Variants in PCSK2 observed in about 807,000 individuals in gnomAD.
PCSK2 encodes neuroendocrine convertase 2.
PCSK2 carries 14 observed loss-of-function variants against 69.7 expected under a neutral mutation model. The ratio of observed to expected loss-of-function variants is 0.20; its 90% CI spans 0.13 to 0.31. PCSK2 has a LOEUF of 0.31. Among genes scored for constraint, PCSK2 ranks in the 10% least tolerant of loss-of-function variants. The pLI is 1.00. For missense variants in PCSK2, 544 were observed against 842.5 expected (o/e 0.65, Z 4.39); for synonymous variants, 307 against 320.7 (o/e 0.96, Z 0.46).
At chr20:17,335,172 C>G (rs1990309134) in intron 2 of PCSK2, among the ~76,000 whole-genome samples, 1 of 140,514 alleles carries the variant, frequency 7.1e-6, no homozygotes, top group Admixed American at 7.7e-5. Flanking sequence ...CATATACTTG[C>G]AGTCAGACGG....
intron 5 of PCSK2, among the ~76,000 whole-genome samples, chr20:17,408,105 T>G (rs2123300727): frequency 6.6e-6 from 1 of 152,254 alleles, no homozygotes; most frequent in Middle Eastern, 3.4e-3. Flanking sequence ...TAAATATGTC[T>G]CAGGACCCAT....
chr20:17,238,060 C>G (rs1986411114), intron 1 of PCSK2, among the ~76,000 whole-genome samples: 1 of 152,078 alleles, frequency 6.6e-6, no homozygotes, highest in Non-Finnish European at 1.5e-5. Context: ...AGGCTGGCAC[C>G]CACAAAATGG....
At chr20:17,450,840 T>A (rs2032808531) in intron 8 of PCSK2, among the ~76,000 whole-genome samples, 2 of 152,184 alleles carry the variant, frequency 1.3e-5, no homozygotes, top group South Asian at 2.1e-4. Flanking sequence ...TCCCACCTCT[T>A]AAGACTATCA....
intron 2 of PCSK2, among the ~76,000 whole-genome samples, chr20:17,341,616 T>C (rs1990511993): frequency 6.6e-6 from 1 of 152,226 alleles, no homozygotes; most frequent in African/African-American, 2.4e-5. Flanking sequence ...TTAGCAGCAA[T>C]TCTTTTGAAT....
intron 11 of PCSK2, among the ~76,000 whole-genome samples, chr20:17,476,156 C>G (rs1055920434): frequency 5.9e-5 from 9 of 152,142 alleles, no homozygotes; most frequent in African/African-American, 2.2e-4. Context: ...AGAAAACCTG[C>G]AAAACAAAGC....
intron 2 of PCSK2, among the ~76,000 whole-genome samples, chr20:17,338,092 C>A (rs9789830): frequency 0.61 from 90,924 of 149,808 alleles, 28,708 homozygotes; most frequent in East Asian, 0.97. Context: ...CTTACCTGTC[C>A]CTGAACTCAA....
At chr20:17,315,382 A>G (rs994020650) in intron 2 of PCSK2, among the ~76,000 whole-genome samples, 1 of 152,040 alleles carries the variant, frequency 6.6e-6, no homozygotes, top group African/African-American at 2.4e-5. Context: ...TATAGAGGTG[A>G]CCCGTGAGCT....
chr20:17,252,647 T>C lies in PCSK2; in HGVS notation c.178-7593T>C, dbSNP rs1319564605. Among the ~76,000 whole-genome samples, 4 of 152,172 alleles carry C rather than the reference T, an allele frequency of 2.6e-5. No homozygotes were observed. The East Asian group carries it at 7.7e-4, about 29-fold the overall frequency. Reference sequence around the variant, plus strand: ...GGCAATCTGGCTTCAGAACTCATGTTCTTAAACCACTCCACCACAGAGTAC... The same window carrying C: ...GGCAATCTGGCTTCAGAACTCATGTCCTTAAACCACTCCACCACAGAGTAC... On this transcript the variant is annotated intron_variant, in intron 1 of 11. Coordinates refer to ENST00000262545, the MANE Select transcript of PCSK2 (RefSeq NM_002594.5).
At chr20:17,419,030 A>G (rs974247376) in intron 6 of PCSK2, among the ~76,000 whole-genome samples, 1 of 152,238 alleles carries the variant, frequency 6.6e-6, no homozygotes, top group African/African-American at 2.4e-5. Context: ...ACTATAGGGG[A>G]CACTCAAAGA....
chr20:17,370,854 C>T (rs2030737403), intron 5 of PCSK2, among the ~76,000 whole-genome samples: 1 of 152,206 alleles, frequency 6.6e-6, no homozygotes, highest in Non-Finnish European at 1.5e-5. Context: ...AGAAGTGCTG[C>T]ATTGCATTTT....
chr20:17,414,309 G>A (rs188711605), intron 6 of PCSK2, among the ~76,000 whole-genome samples: 1 of 152,164 alleles, frequency 6.6e-6, no homozygotes, highest in Non-Finnish European at 1.5e-5. Flanking sequence ...AAGATGAAAA[G>A]AGAGAAAAAT....
At chr20:17,448,683 A>G (rs1185996289) in intron 8 of PCSK2, among the ~76,000 whole-genome samples, 2 of 152,130 alleles carry the variant, frequency 1.3e-5, no homozygotes, top group Admixed American at 6.5e-5. Context: ...GGTTGTGATC[A>G]CCAAAAATGT....
chr20:17,311,677 A>G (rs1430815780), intron 2 of PCSK2, among the ~76,000 whole-genome samples: 2 of 152,186 alleles, frequency 1.3e-5, no homozygotes, highest in African/African-American at 4.8e-5. Flanking sequence ...AAGAACCTAC[A>G]TCTTGTGATC....
intron 2 of PCSK2, among the ~76,000 whole-genome samples, chr20:17,350,811 G>C (rs1260533654): frequency 6.6e-6 from 1 of 152,164 alleles, no homozygotes; most frequent in East Asian, 1.9e-4. Flanking sequence ...GGGAGGCCGA[G>C]GCGGGTGGAT....
At chr20:17,257,428 T>C (rs899028381) in intron 1 of PCSK2, among the ~76,000 whole-genome samples, 18 of 152,214 alleles carry the variant, frequency 1.2e-4, no homozygotes, top group African/African-American at 4.3e-4. Context: ...ACTGGGTATA[T>C]ACCCAAAGGA....
intron 5 of PCSK2, among the ~76,000 whole-genome samples, chr20:17,378,634 TG>T (rs1233445799): frequency 6.4e-5 from 6 of 94,146 alleles, no homozygotes; most frequent in African/African-American, 2.6e-4. Flanking sequence ...GATGGATGGA[TG>T]GATGGATGAA....
rs551525001 is a variant in PCSK2, at chr20:17,365,806, A to C, written c.506-3434A>C. 2.7e-3 allele frequency among the ~76,000 whole-genome samples: 415 copies of C among 152,366 alleles called. 1 individual carries two copies. The highest frequency in any genetic ancestry group is 9.3e-3 in the African/African-American group (388 of 41,586). ...AGGCAAACAAATTCTGAGGCTTGAG[A>C]GTAACCTTTTCTGACTCTATGTCCC... On this transcript the variant is annotated intron_variant, in intron 4 of 11. Coordinates refer to ENST00000262545, the MANE Select transcript of PCSK2 (RefSeq NM_002594.5).
chr20:17,327,580 G>A (rs1275789355), intron 2 of PCSK2, among the ~76,000 whole-genome samples: 1 of 152,178 alleles, frequency 6.6e-6, no homozygotes. Context: ...GGGGCAGAGC[G>A]GCGCCCGGAC....
intron 2 of PCSK2, among the ~76,000 whole-genome samples, chr20:17,338,093 C>A (rs9789831): frequency 0.61 from 90,869 of 149,764 alleles, 28,685 homozygotes; most frequent in East Asian, 0.97. Flanking sequence ...TTACCTGTCC[C>A]TGAACTCAAG....
Sources: allele counts gnomAD v4.1 joint callset (sites outside exome capture counted in the v4.1 genomes callset), GRCh38; gene constraint gnomAD v4.1.1; transcripts MANE v1.5; gene names NCBI Gene and HGNC (gene_info 2026-07-23, HGNC 2026-07-21).